EPN2: variants seen among roughly 807,000 people sequenced by gnomAD.
EPN2 encodes epsin 2.
A neutral mutation model predicts 61.7 loss-of-function variants in EPN2; 34 were observed. The observed-to-expected ratio is 0.55, with a 90% CI of 0.42 to 0.73. EPN2 has a LOEUF of 0.73. EPN2 is among the 30% of genes least tolerant of loss of function. EPN2 has a pLI of 0.00. For missense variants in EPN2, 714 were observed against 839.2 expected (o/e 0.85, Z 1.84); for synonymous variants, 349 against 353.6 (o/e 0.99, Z 0.15).
At chr17:19,327,043 CAG>C (rs1169300909) in intron 7 of EPN2, among the ~76,000 whole-genome samples, 1 of 152,138 alleles carries the variant, frequency 6.6e-6, no homozygotes, top group Non-Finnish European at 1.5e-5. Flanking sequence ...TACTAAGCAT[CAG>C]AGAGGTTATG....
intron 7 of EPN2, among the ~76,000 whole-genome samples, chr17:19,325,564 C>T (rs1598023825): frequency 6.6e-6 from 1 of 152,268 alleles, no homozygotes; most frequent in South Asian, 2.1e-4. Flanking sequence ...GGAATAATGG[C>T]AAACTTCCAT....
rs976427959 is a variant in EPN2, at chr17:19,336,323, G to C, written c.*2069G>C. The stretch of plus-strand genomic sequence containing the variant: ...AGAAAGGTGCTTTCCTTCAGACGGT[G>C]CAGGGCCTGGGCCAGCCTTACAGGT... On this transcript the variant is annotated 3_prime_UTR_variant, in exon 11 of 11. Coordinates refer to ENST00000314728, the MANE Select transcript of EPN2 (RefSeq NM_014964.5). 6.6e-6 allele frequency: 1 copy of C among 152,298 alleles called. No homozygotes were observed. Among genetic ancestry groups the C allele is most frequent in the African/African-American group, 2.4e-5 (1 of 41,444 alleles). 9.4% of individuals were successfully genotyped at this position (152,298 alleles called of 1,614,324 possible).
chr17:19,295,353 C>T (rs942094569), intron 4 of EPN2, among the ~76,000 whole-genome samples: 2 of 63,246 alleles, frequency 3.2e-5, no homozygotes. Flanking sequence ...CACACACACA[C>T]ACACACACAC....
At chr17:19,333,892 A>T in intron 10 of EPN2, 64 bp from the exon 11 acceptor site, 1 of 1,418,890 alleles carries the variant, frequency 7.0e-7, no homozygotes, top group Non-Finnish European at 9.4e-7. Flanking sequence ...GCAGTCCCTG[A>T]CCTGGGAGCT....
chr17:19,334,359 G>A lies in EPN2; in HGVS notation c.*105G>A, dbSNP rs1907304230. On this transcript the variant is annotated 3_prime_UTR_variant, in exon 11 of 11. Transcript: ENST00000314728. The surrounding 1 kb of genome is among the most constrained non-coding windows in gnomAD (Gnocchi z 4.9). ...AGAGTTTGGGGATTAGGGGTATTAG[G>A]GCTTTTCAGCTCCAGCTTCCTGATG... is the stretch of plus-strand genomic sequence containing the variant. 3.2e-6 allele frequency: 3 copies of A among 936,054 alleles called. No individual in the cohort carries two copies. Among genetic ancestry groups the A allele is most frequent in the Admixed American group, 4.0e-5 (1 of 25,016 alleles). 58.0% of individuals were successfully genotyped at this position (936,054 alleles called of 1,614,324 possible). A position where few individuals can be genotyped will look rare whatever the true frequency, so the allele number is the denominator to read the frequency against.
At chr17:19,239,948 A>G (rs1015640827) in intron 1 of EPN2, among the ~76,000 whole-genome samples, 2 of 152,096 alleles carry the variant, frequency 1.3e-5, no homozygotes, top group Non-Finnish European at 2.9e-5. Context: ...TGGGATTCTG[A>G]TAAGAGTCCT....
chr17:19,309,557 T>C (rs537242262), intron 4 of EPN2, among the ~76,000 whole-genome samples: 4 of 152,280 alleles, frequency 2.6e-5, no homozygotes, highest in Admixed American at 2.6e-4. Flanking sequence ...TTTGAGTTAG[T>C]TCCTTTTTTG....
At chr17:19,310,702 C>G (rs1036781813) in intron 5 of EPN2, among the ~76,000 whole-genome samples, 1 of 150,740 alleles carries the variant, frequency 6.6e-6, no homozygotes, top group Non-Finnish European at 1.5e-5. Flanking sequence ...CTCAGCGTCC[C>G]GAGTAGCTGG....
At chr17:19,321,293 A>C (rs1481233744) in intron 7 of EPN2, among the ~76,000 whole-genome samples, 1 of 152,162 alleles carries the variant, frequency 6.6e-6, no homozygotes, top group East Asian at 1.9e-4. Flanking sequence ...CAGAAGCTCA[A>C]CCCTTTGCTC....
chr17:19,324,557 TC>T (rs1906781944), intron 7 of EPN2, among the ~76,000 whole-genome samples: 1 of 152,106 alleles, frequency 6.6e-6, no homozygotes, highest in African/African-American at 2.4e-5. Flanking sequence ...GGTCTCAAGC[TC>T]CCGACCTCAG....
chr17:19,289,294 C>A (rs888352046), intron 4 of EPN2, among the ~76,000 whole-genome samples: 4 of 151,968 alleles, frequency 2.6e-5, no homozygotes, highest in African/African-American at 9.7e-5. Flanking sequence ...TCATGTTAGC[C>A]AGGATGGTCT....
rs2045260532 is a variant in EPN2, at chr17:19,272,115, G to A, written c.-293-9840G>A. On this transcript the variant is annotated intron_variant, in intron 1 of 10. Transcript: ENST00000314728. Reference sequence around the variant, plus strand: ...GGTAGTCCATAGCTCGGCCTGTCCTGTGGGGTGGGGGTGAGTAGCCATCAA... The same window carrying A: ...GGTAGTCCATAGCTCGGCCTGTCCTATGGGGTGGGGGTGAGTAGCCATCAA... 2.6e-5 allele frequency among the ~76,000 whole-genome samples: 4 copies of A among 152,208 alleles called. No individual in the cohort carries two copies. In the South Asian group the frequency reaches 8.3e-4, roughly 32 times the overall value.
intron 2 of EPN2, 101 bp from the exon 3 acceptor site, chr17:19,282,849 A>T: frequency 2.5e-6 from 1 of 395,730 alleles, no homozygotes; most frequent in Non-Finnish European, 4.6e-6. Context: ...GGGTATGTCC[A>T]CTCAGCTCCC....
chr17:19,306,910 CAG>C (rs1268197878), intron 4 of EPN2, among the ~76,000 whole-genome samples: 1 of 152,184 alleles, frequency 6.6e-6, no homozygotes, highest in Non-Finnish European at 1.5e-5. Context: ...AACCAAGCCT[CAG>C]AGATTCCTTA....
At chr17:19,328,911 T>C (rs1195403692) in intron 8 of EPN2, 24 bp downstream of exon 8, 12 of 1,591,616 alleles carry the variant, frequency 7.5e-6, no homozygotes, top group Admixed American at 5.1e-5. Context: ...TCACCCACTT[T>C]CCTGCCTGGC....
intron 1 of EPN2, among the ~76,000 whole-genome samples, chr17:19,277,119 G>C (rs940396292): frequency 6.6e-5 from 10 of 152,288 alleles, no homozygotes; most frequent in African/African-American, 2.2e-4. Flanking sequence ...AACAGAATGT[G>C]CCCGGGCACG....
intron 7 of EPN2, among the ~76,000 whole-genome samples, chr17:19,326,953 G>A (rs1048886961): frequency 1.3e-5 from 2 of 152,108 alleles, no homozygotes; most frequent in Admixed American, 6.5e-5. Flanking sequence ...CCTCATTAAA[G>A]AACAGGGAAA....
rs762128787 is a variant in EPN2, at chr17:19,328,699, G to T, written c.1148-12G>T. 4.2e-5 allele frequency: 67 copies of T among 1,595,426 alleles called. 1 individual carries two copies. In the South Asian group the frequency reaches 7.0e-4, roughly 17 times the overall value. On this transcript the variant is annotated splice_polypyrimidine_tract_variant and intron_variant, in intron 7 of 10. Transcript: ENST00000314728. ...GAAGGCATTTCTGAGCCCTGACCCT[G>T]CCTTCCAACAGGTACCAAGCCAGCT...
At chr17:19,312,990 C>T in intron 6 of EPN2, 115 bp from the exon 7 acceptor site, 1 of 1,125,112 alleles carries the variant, frequency 8.9e-7, no homozygotes, top group South Asian at 1.5e-5. Flanking sequence ...TCAGCCCCTC[C>T]TAGAGGGCTT....
Sources: gnomAD v4.1 joint callset for allele counts (sites outside exome capture counted in the v4.1 genomes callset) on GRCh38, gnomAD v4.1.1 for gene constraint, Gnocchi (gnomAD v3.1) non-coding constraint, MANE v1.5 for transcripts, NCBI Gene and HGNC (gene_info 2026-07-23, HGNC 2026-07-21) for gene names.